The following NPAS3 variants were observed in gnomAD, a reference collection of about 807,000 sequenced individuals.
NPAS3 encodes the protein neuronal PAS domain protein 3.
Under a neutral mutation model 73.1 loss-of-function variants are expected in NPAS3, and 14 were observed. The ratio of observed to expected loss-of-function variants is 0.19; its 90% CI spans 0.13 to 0.30. NPAS3 has a LOEUF of 0.30. NPAS3 is among the 10% of genes least tolerant of loss of function. The pLI, the probability that NPAS3 is intolerant of heterozygous loss-of-function variation, is 1.00. For missense variants in NPAS3, 1,096 were observed against 1,250.0 expected, an observed-to-expected ratio of 0.88 and a Z score of 1.86; for synonymous variants, 620 against 541.5, an observed-to-expected ratio of 1.14 and a Z score of -2.01.
chr14:33,418,354 AATG>A (rs1171685338), intron 4 of NPAS3, among the ~76,000 whole-genome samples: 2 of 151,942 alleles, frequency 1.3e-5, no homozygotes, highest in African/African-American at 4.8e-5. Flanking sequence ...TGCCATGAAG[AATG>A]ATAATAGATA....
chr14:33,613,537 T>C (rs1471327067), intron 5 of NPAS3, among the ~76,000 whole-genome samples: 1 of 152,184 alleles, frequency 6.6e-6, no homozygotes, highest in Admixed American at 6.5e-5. Flanking sequence ...CTTCTCTTCA[T>C]TGGTGCTACA....
At chr14:33,266,884 C>G (rs1309087565) in intron 3 of NPAS3, among the ~76,000 whole-genome samples, 5 of 152,096 alleles carry the variant, frequency 3.3e-5, no homozygotes. Context: ...AGATAAATAT[C>G]AAAGGTCTGA....
At position 33,084,217 on chromosome 14, in the gene NPAS3, A is replaced by T. The variant is rs75461351; in HGVS notation, c.140+28223A>T. 4.7e-3 allele frequency among the ~76,000 whole-genome samples: 720 copies of T among 152,354 alleles called. 6 individuals are homozygous for T. The highest frequency in any genetic ancestry group is 0.017 in the African/African-American group (700 of 41,580). On this transcript the variant is annotated intron_variant, in intron 2 of 11. Transcript: ENST00000356141. ...TGCTGTTGGCACCACTATAAGTTTG[A>T]ATTAAGGCTAGTCCCTAATCACTTT... is the stretch of plus-strand genomic sequence containing the variant.
chr14:33,234,450 T>A (rs1298667162), intron 3 of NPAS3, among the ~76,000 whole-genome samples: 2 of 152,174 alleles, frequency 1.3e-5, no homozygotes, highest in African/African-American at 2.4e-5. Context: ...CTCTTCTAGA[T>A]GCATTTTATT....
chr14:33,555,011 G>T (rs2055289953), intron 4 of NPAS3, among the ~76,000 whole-genome samples: 2 of 149,110 alleles, frequency 1.3e-5, no homozygotes, highest in Middle Eastern at 3.4e-3. Context: ...ATAATTACAG[G>T]CTTTATTATT....
At chr14:33,769,893 A>T (rs2062597764) in intron 7 of NPAS3, among the ~76,000 whole-genome samples, 1 of 150,126 alleles carries the variant, frequency 6.7e-6, no homozygotes, top group African/African-American at 2.5e-5. Flanking sequence ...GCCTCCAAGT[A>T]GCTGGGGCCA....
intron 4 of NPAS3, among the ~76,000 whole-genome samples, chr14:33,424,323 G>C (rs1447784433): frequency 6.6e-6 from 1 of 152,038 alleles, no homozygotes; most frequent in Non-Finnish European, 1.5e-5. Flanking sequence ...GAAGTGCCAA[G>C]ATGAGAGGCT....
intron 4 of NPAS3, among the ~76,000 whole-genome samples, chr14:33,544,788 T>TTATATATATATA (rs71406561): frequency 1.1e-4 from 7 of 63,256 alleles, no homozygotes; most frequent in African/African-American, 4.3e-4. Context: ...TGTGTGTGTA[T>TTATATATATATA]TATATATATA....
chr14:33,594,811 C>T (rs1324782112), intron 5 of NPAS3, among the ~76,000 whole-genome samples: 1 of 152,200 alleles, frequency 6.6e-6, no homozygotes, highest in Non-Finnish European at 1.5e-5. Flanking sequence ...TCATATTCTT[C>T]ATCTCGTTAG....
rs79873170 is a variant in NPAS3 at position 33,070,966 on chromosome 14, T to C, written c.140+14972T>C. On this transcript the variant is annotated intron_variant, in intron 2 of 11. Transcript: ENST00000356141. ...CTTTTTCTAATAAGGAACTTAGAGA[T>C]GTGTGGCAGGTTGAGGATAAATTTT... Among the ~76,000 whole-genome samples, 366 of 152,334 alleles carry C rather than the reference T, an allele frequency of 2.4e-3. 7 individuals are homozygous for C. In the East Asian group the frequency reaches 0.046, roughly 19 times the overall value.
chr14:33,022,662 C>A (rs1490442297), intron 1 of NPAS3, among the ~76,000 whole-genome samples: 1 of 75,526 alleles, frequency 1.3e-5, no homozygotes, highest in Non-Finnish European at 2.3e-5. Context: ...GAGACTCCGT[C>A]CCAAAAAAAA....
chr14:33,007,143 A>G (rs1170729268), intron 1 of NPAS3, among the ~76,000 whole-genome samples: 1 of 152,224 alleles, frequency 6.6e-6, no homozygotes, highest in African/African-American at 2.4e-5. Context: ...TAAATAAATG[A>G]GGTTCCTATT....
chr14:33,159,715 G>A (rs544242287), intron 2 of NPAS3, among the ~76,000 whole-genome samples: 9 of 152,002 alleles, frequency 5.9e-5, no homozygotes, highest in East Asian at 1.9e-4. Context: ...CACCATGCCC[G>A]GCTTATTTTT....
intron 2 of NPAS3, among the ~76,000 whole-genome samples, chr14:33,108,451 C>G (rs1440580537): frequency 1.3e-5 from 2 of 152,038 alleles, no homozygotes; most frequent in Non-Finnish European, 2.9e-5. Context: ...CTCGGCCTCC[C>G]AAAGTGCTGG....
intron 3 of NPAS3, among the ~76,000 whole-genome samples, chr14:33,350,039 C>G (rs993750696): frequency 1.3e-5 from 2 of 152,198 alleles, no homozygotes; most frequent in African/African-American, 4.8e-5. Flanking sequence ...CCCTCCACTG[C>G]TTTTATTGTA....
intron 2 of NPAS3, among the ~76,000 whole-genome samples, chr14:33,117,279 G>A (rs1166621883): frequency 6.6e-6 from 1 of 151,700 alleles, no homozygotes; most frequent in Admixed American, 6.6e-5. Context: ...CGGCTAGAGG[G>A]GATTTGACTG....
chr14:33,212,988 G>C (rs1439458245), intron 2 of NPAS3, among the ~76,000 whole-genome samples: 1 of 152,144 alleles, frequency 6.6e-6, no homozygotes, highest in African/African-American at 2.4e-5. Flanking sequence ...GCTTTAATTT[G>C]TTAAAATACC....
chr14:33,448,110 T>C (rs969558584), intron 4 of NPAS3, among the ~76,000 whole-genome samples: 1 of 152,140 alleles, frequency 6.6e-6, no homozygotes, highest in Non-Finnish European at 1.5e-5. Context: ...ATTAATTCGA[T>C]TGGACAGATA....
At chr14:33,276,833 A>C (rs2041358220) in intron 3 of NPAS3, among the ~76,000 whole-genome samples, 1 of 152,126 alleles carries the variant, frequency 6.6e-6, no homozygotes, top group Admixed American at 6.6e-5. Context: ...TATTCTTCTC[A>C]TAGAAAATTT....
Sources: allele counts gnomAD v4.1 joint callset (sites outside exome capture counted in the v4.1 genomes callset), GRCh38; gene constraint gnomAD v4.1.1; transcripts MANE v1.5; gene names NCBI Gene and HGNC (gene_info 2026-07-23, HGNC 2026-07-21).